The following SYNE3 variants were observed in gnomAD, a reference collection of about 807,000 sequenced individuals.
SYNE3 encodes the protein nesprin-3.
In SYNE3, 100 loss-of-function variants were observed where a neutral mutation model predicts 111.2. The ratio of observed to expected loss-of-function variants is 0.90; its 90% CI spans 0.77 to 1.06. The LOEUF is 1.06. Among genes scored for constraint, SYNE3 ranks in the 50% least tolerant of loss-of-function variants. SYNE3 has a pLI of 0.00. For missense variants in SYNE3, 1,160 were observed against 1,240.3 expected, an observed-to-expected ratio of 0.94 and a Z score of 0.97; for synonymous variants, 547 against 533.9, an observed-to-expected ratio of 1.02 and a Z score of -0.34.
chr14:95,491,728 G>C (rs967470415), intron 1 of SYNE3, among the ~76,000 whole-genome samples: 4 of 149,104 alleles, frequency 2.7e-5, no homozygotes, highest in African/African-American at 9.9e-5. Flanking sequence ...AGATAAATTA[G>C]GCATCATCAA....
intron 8 of SYNE3, 62 bp from the exon 9 acceptor site, chr14:95,446,153 CA>C: frequency 1.3e-6 from 2 of 1,585,798 alleles, no homozygotes; most frequent in East Asian, 2.2e-5. Flanking sequence ...GAAACAGAGC[CA>C]GGGGCACAAC....
chr14:95,471,250 C>T (rs1421872281), intron 2 of SYNE3, among the ~76,000 whole-genome samples: 1 of 152,192 alleles, frequency 6.6e-6, no homozygotes, highest in African/African-American at 2.4e-5. Context: ...ATTCCATCTC[C>T]CTTGGCCACA....
intron 1 of SYNE3, among the ~76,000 whole-genome samples, chr14:95,479,408 A>G (rs1378277551): frequency 6.6e-6 from 1 of 152,166 alleles, no homozygotes; most frequent in Non-Finnish European, 1.5e-5. Flanking sequence ...AACCTGGAGC[A>G]CACACCATGC....
At chr14:95,438,816 GGC>G in intron 14 of SYNE3, 1 of 573,808 alleles carries the variant, frequency 1.7e-6, no homozygotes, top group Non-Finnish European at 3.0e-6. Context: ...CTGGTGGCCT[GGC>G]TCTGCAGACT....
At chr14:95,430,041 C>T (rs971124546) in intron 17 of SYNE3, 9 of 669,952 alleles carry the variant, frequency 1.3e-5, no homozygotes, top group African/African-American at 6.6e-5. Flanking sequence ...CAGCAATGAA[C>T]GCTATGGCTG....
chr14:95,446,230 A>T (rs1595199434), intron 8 of SYNE3, 139 bp from the exon 9 acceptor site: 2 of 1,007,282 alleles, frequency 2.0e-6, no homozygotes, highest in East Asian at 2.5e-5. Context: ...AGCAAACTCA[A>T]GTAGAAACAA....
chr14:95,426,767 A>C (rs987379959), intron 17 of SYNE3, among the ~76,000 whole-genome samples: 29 of 151,634 alleles, frequency 1.9e-4, no homozygotes, highest in Admixed American at 1.7e-3. Context: ...CAGTGAAACC[A>C]CGTCTCTACT....
intron 6 of SYNE3, 25 bp from the exon 7 acceptor site, chr14:95,452,408 C>A (rs4905320): frequency 2.5e-6 from 4 of 1,585,702 alleles, no homozygotes; most frequent in African/African-American, 2.7e-5. Flanking sequence ...GACACCGCAG[C>A]GGGAGGTGAG....
intron 1 of SYNE3, among the ~76,000 whole-genome samples, chr14:95,489,967 T>C (rs1889765412): frequency 6.6e-6 from 1 of 152,214 alleles, no homozygotes. Context: ...TTAGGAGTCA[T>C]GGTTCCAGCG....
intron 17 of SYNE3, chr14:95,430,023 G>GAAGGAAGGAAGGAAGGAA (rs1885668748): frequency 1.9e-6 from 1 of 519,562 alleles, no homozygotes; most frequent in African/African-American, 2.2e-5. Flanking sequence ...AGGGAGGGAG[G>GAAGGAAGGAAGGAAGGAA]GTAGAGACAG....
Position 95,467,812 on chromosome 14 carries a change from G to A in SYNE3, c.300C>T (p.Tyr100=), listed in dbSNP as rs755913015. ...TGCCCTACCTGTGACAGTGAGTCATGTAGGTGACTGTCTCCTCCCATTGGG... is the reference window on the plus strand; with the variant it reads ...TGCCCTACCTGTGACAGTGAGTCATATAGGTGACTGTCTCCTCCCATTGGG... ...IKAQWEETVT[Y]MTHCHSRIEW... Residue 100 remains tyrosine (Y), a synonymous_variant, in exon 3 of 18, where the codon TAC becomes TAT. Coordinates refer to ENST00000682763, the MANE Select transcript of SYNE3 (RefSeq NM_152592.6). 1.2e-6 allele frequency: 2 copies of A among 1,614,188 alleles called. No homozygotes were observed. The highest frequency in any genetic ancestry group is 3.3e-5 in the Admixed American group (2 of 60,020).
Position 95,455,432 on chromosome 14 carries a change from G to A in SYNE3, c.1082C>T (p.Pro361Leu), listed in dbSNP as rs1887360122. 6.3e-7 allele frequency: 1 copy of A among 1,581,016 alleles called. No individual in the cohort carries two copies. The highest frequency in any genetic ancestry group is 1.4e-5 in the African/African-American group (1 of 73,384). The change falls in exon 6 of 18, where the codon CCT becomes CTT. Residue 361 changes from proline (P) to leucine (L), a missense_variant. Physicochemically the swap from Pro to Leu is moderately conservative, Grantham distance 98 (BLOSUM62 -3). Coordinates refer to ENST00000682763, the MANE Select transcript of SYNE3 (RefSeq NM_152592.6). ...LQRLAQEGLQ[P>L]AAKAGTEDEL... is the part of the protein sequence containing the mutation. ...GTCCTCGGTCCCCGCTTTCGCCGCA[G>A]GCTGCAGGCCCTCCTGGGCCAGCCT... is the stretch of plus-strand genomic sequence containing the variant.
In SYNE3 at chr14:95,445,956, T is replaced by C. The variant is rs1242290045; in HGVS notation, c.1585A>G (p.Arg529Gly). The C allele has an allele frequency of 1.2e-6, 2 of 1,614,130 alleles. No homozygotes were observed. The highest frequency in any genetic ancestry group is 1.7e-6 in the Non-Finnish European group (2 of 1,180,042). The change falls in exon 9 of 18, where the codon AGA becomes GGA. Residue 529 changes from arginine to glycine, a missense_variant. Physicochemically the swap from Arg to Gly is moderately radical, Grantham distance 125. Transcript: ENST00000682763. ...AGGAGGCTGTTATGCAGCAGGTCTC[T>C]GTCCCTCATGGAACCTGCCACCTGC... is the stretch of plus-strand genomic sequence containing the variant. ...LEQVAGSMRD[R>G]DLLHNSLLQR...
intron 4 of SYNE3, among the ~76,000 whole-genome samples, chr14:95,460,371 T>G (rs914174072): frequency 1.6e-3 from 179 of 111,032 alleles, no homozygotes; most frequent in Admixed American, 2.1e-3. Context: ...TGCCTAGTTT[T>G]TTTTTTTTTT....
chr14:95,492,297 CAT>C (rs1331127587), intron 1 of SYNE3, among the ~76,000 whole-genome samples: 1 of 152,170 alleles, frequency 6.6e-6, no homozygotes, highest in Non-Finnish European at 1.5e-5. Flanking sequence ...GAAATGAAAA[CAT>C]ATGTCCACAC....
At chr14:95,437,180 C>G (rs912746124) in intron 14 of SYNE3, among the ~76,000 whole-genome samples, 199 bp from the exon 15 acceptor site, 4 of 152,224 alleles carry the variant, frequency 2.6e-5, no homozygotes, top group Admixed American at 1.3e-4. Context: ...CTCACTGTCC[C>G]CTTTCTGGTC....
In SYNE3 at chr14:95,416,415, G is replaced by A. The variant is rs1903582900; in HGVS notation, c.*1411C>T. On this transcript the variant is annotated 3_prime_UTR_variant, in exon 18 of 18. Coordinates refer to ENST00000682763, the MANE Select transcript of SYNE3 (RefSeq NM_152592.6). ...GTTGAACAGACAAAATCCATTTGTA[G>A]AGAGTGGGCATTAAGTACTTTTTTA... is the stretch of plus-strand genomic sequence containing the variant. The A allele has an allele frequency of 6.6e-6, 1 of 152,270 alleles. No individual in the cohort carries two copies. Among genetic ancestry groups the A allele is most frequent in the Non-Finnish European group, 1.5e-5 (1 of 68,054 alleles). 9.4% of individuals were successfully genotyped at this position (152,270 alleles called of 1,614,324 possible). A position where few individuals can be genotyped will look rare whatever the true frequency, so the allele number is the denominator to read the frequency against.
intron 14 of SYNE3, chr14:95,437,718 C>T (rs1392419586): frequency 1.3e-5 from 2 of 152,304 alleles, no homozygotes; most frequent in African/African-American, 2.4e-5. Flanking sequence ...CTGTGGATGC[C>T]ACTCCCTTGC....
chr14:95,427,229 G>A (rs372059394), intron 17 of SYNE3, among the ~76,000 whole-genome samples: 35 of 152,246 alleles, frequency 2.3e-4, no homozygotes, highest in African/African-American at 7.5e-4. Context: ...CTGGGAAGAC[G>A]CCCATTGTCA....
Sources: allele counts gnomAD v4.1 joint callset (sites outside exome capture counted in the v4.1 genomes callset), GRCh38; gene constraint gnomAD v4.1.1; transcripts MANE v1.5; gene names NCBI Gene and HGNC (gene_info 2026-07-23, HGNC 2026-07-21).